VPS41: variants seen among roughly 807,000 people sequenced by gnomAD.
The protein encoded by VPS41 is vacuolar protein sorting-associated protein 41 homolog.
A neutral mutation model predicts 130.9 loss-of-function variants in VPS41; 85 were observed. That is an observed-to-expected ratio of 0.65 (90% CI 0.55 to 0.78). The LOEUF is 0.78. VPS41 is among the 30% of genes least tolerant of loss of function. VPS41 has a pLI of 0.00. For missense variants in VPS41, 874 were observed against 1,018.7 expected (o/e 0.86, Z 1.93); for synonymous variants, 335 against 332.9 (o/e 1.01, Z -0.07).
At chr7:38,873,502 T>A (rs1007712510) in intron 2 of VPS41, among the ~76,000 whole-genome samples, 3 of 152,116 alleles carry the variant, frequency 2.0e-5, no homozygotes, top group Non-Finnish European at 4.4e-5. Flanking sequence ...AACAACCCAG[T>A]GTTAATAAAA....
At chr7:38,882,094 T>C (rs1304005404) in intron 2 of VPS41, among the ~76,000 whole-genome samples, 2 of 151,934 alleles carry the variant, frequency 1.3e-5, no homozygotes, top group African/African-American at 4.8e-5. Context: ...GCCAACTCAA[T>C]CTCTCCTGAG....
chr7:38,784,112 T>C (rs1217518730), intron 10 of VPS41, among the ~76,000 whole-genome samples: 1 of 152,218 alleles, frequency 6.6e-6, no homozygotes, highest in Admixed American at 6.5e-5. Context: ...TGTAACTAAA[T>C]ATAATACTAA....
At chr7:38,728,501 A>G (rs1271671735) in intron 27 of VPS41, 41 bp downstream of exon 27, 1 of 1,611,812 alleles carries the variant, frequency 6.2e-7, no homozygotes, top group African/African-American at 1.3e-5. Context: ...ACTCATCATT[A>G]AAATACATGT....
chr7:38,781,528 G>T (rs1373858360), intron 10 of VPS41, among the ~76,000 whole-genome samples: 1 of 152,072 alleles, frequency 6.6e-6, no homozygotes, highest in Admixed American at 6.5e-5. Flanking sequence ...TCTTGACATT[G>T]TCTATAGTAT....
At chr7:38,805,531 C>G (rs564304582) in intron 7 of VPS41, among the ~76,000 whole-genome samples, 1 of 134,270 alleles carries the variant, frequency 7.4e-6, no homozygotes, top group East Asian at 2.2e-4. Flanking sequence ...GAGTCTGTCT[C>G]AAAAAAACAA....
intron 4 of VPS41, among the ~76,000 whole-genome samples, chr7:38,857,139 T>C (rs1015673611): frequency 6.6e-6 from 1 of 152,104 alleles, no homozygotes; most frequent in Non-Finnish European, 1.5e-5. Context: ...TAATCTCAAA[T>C]CAAAAACAGG....
At chr7:38,842,527 G>A (rs562289331) in intron 4 of VPS41, among the ~76,000 whole-genome samples, 4 of 152,150 alleles carry the variant, frequency 2.6e-5, no homozygotes, top group East Asian at 1.9e-4. Context: ...ATCCTCATTC[G>A]AATAGTAAAA....
intron 1 of VPS41, among the ~76,000 whole-genome samples, chr7:38,903,656 A>G (rs542331223): frequency 6.6e-6 from 1 of 152,308 alleles, no homozygotes; most frequent in South Asian, 2.1e-4. Flanking sequence ...CATAATGAGA[A>G]AGAGAGTTCT....
intron 9 of VPS41, among the ~76,000 whole-genome samples, chr7:38,792,807 C>T (rs935483008): frequency 9.2e-5 from 14 of 152,118 alleles, no homozygotes; most frequent in African/African-American, 2.9e-4. Context: ...TCACCTGCTC[C>T]TCCACCACAC....
At chr7:38,877,612 T>A (rs945644807) in intron 2 of VPS41, among the ~76,000 whole-genome samples, 1 of 152,168 alleles carries the variant, frequency 6.6e-6, no homozygotes, top group Non-Finnish European at 1.5e-5. Flanking sequence ...GCATTTCCAA[T>A]TGCACATTCC....
intron 4 of VPS41, among the ~76,000 whole-genome samples, chr7:38,849,675 G>A (rs576994574): frequency 1.3e-5 from 2 of 152,270 alleles, no homozygotes; most frequent in South Asian, 2.1e-4. Flanking sequence ...TCAACATCCC[G>A]CTTGTGTGTT....
intron 2 of VPS41, among the ~76,000 whole-genome samples, 186 bp from the exon 3 acceptor site, chr7:38,869,439 T>C (rs939937708): frequency 6.6e-6 from 1 of 152,226 alleles, no homozygotes; most frequent in East Asian, 1.9e-4. Flanking sequence ...GTAACTTCAC[T>C]GGTAAAATAA....
intron 3 of VPS41, among the ~76,000 whole-genome samples, chr7:38,863,801 A>G (rs78889027): frequency 0.021 from 3,208 of 152,348 alleles, 46 homozygotes; most frequent in Non-Finnish European, 0.03. Flanking sequence ...ACCAGGTGCC[A>G]TGACGATTAG....
chr7:38,754,577 A>G lies in VPS41; in HGVS notation c.1788+125T>C, dbSNP rs911654555. On this transcript the variant is annotated intron_variant, in intron 21 of 28. Coordinates refer to ENST00000310301, the MANE Select transcript of VPS41 (RefSeq NM_014396.4). ...AATTACAGAACATTGTTTGTGGTGA[A>G]ACCTCCAACTGGAATATTAACCTCC... 9 of 733,850 alleles carry G rather than the reference A, an allele frequency of 1.2e-5. No homozygotes were observed. In the African/African-American group the frequency reaches 1.6e-4, roughly 13 times the overall value. 45.5% of individuals were successfully genotyped at this position (733,850 alleles called of 1,614,324 possible). A position where few individuals can be genotyped will look rare whatever the true frequency, so the allele number is the denominator to read the frequency against.
intron 7 of VPS41, among the ~76,000 whole-genome samples, chr7:38,801,497 G>T (rs1477316992): frequency 2.6e-5 from 4 of 152,026 alleles, no homozygotes; most frequent in African/African-American, 4.8e-5. Context: ...AAATAAAGTA[G>T]GTCATCATAA....
In VPS41 at chr7:38,795,606, C is replaced by T. The variant is rs1489184957; in HGVS notation, c.576G>A (p.Val192=). The part of the protein sequence containing the change: ...HLIAWANNMG[V]KIFDIISKQR... ...GCTTTGAGATGATGTCAAAAATCTT[C>T]ACACCCTGGAAAATAATACAGCAGT... The change falls in exon 9 of 29, where the codon GTG becomes GTA. Residue 192 remains valine (V), a synonymous_variant. Coordinates refer to ENST00000310301, the MANE Select transcript of VPS41 (RefSeq NM_014396.4). 1 of 1,610,360 alleles carries T rather than the reference C, an allele frequency of 6.2e-7. No individual in the cohort carries two copies. The highest frequency in any genetic ancestry group is 8.5e-7 in the Non-Finnish European group (1 of 1,178,210).
chr7:38,764,355 G>A (rs550231896), intron 16 of VPS41, among the ~76,000 whole-genome samples: 1 of 152,308 alleles, frequency 6.6e-6, no homozygotes, highest in Admixed American at 6.5e-5. Context: ...GGTCAGAGGA[G>A]CCCAGAGATG....
At chr7:38,747,048 C>T (rs1006314173) in intron 22 of VPS41, among the ~76,000 whole-genome samples, 2 of 152,148 alleles carry the variant, frequency 1.3e-5, no homozygotes, top group African/African-American at 4.8e-5. Context: ...ATTTTTATCA[C>T]TCACAGTTGA....
chr7:38,842,298 C>T (rs1027229176), intron 4 of VPS41, among the ~76,000 whole-genome samples: 7 of 152,250 alleles, frequency 4.6e-5, no homozygotes, highest in African/African-American at 1.7e-4. Flanking sequence ...CCAAACAAGC[C>T]CCACAAGCAC....
Sources: gnomAD v4.1 joint callset for allele counts (sites outside exome capture counted in the v4.1 genomes callset) on GRCh38, gnomAD v4.1.1 for gene constraint, MANE v1.5 for transcripts, NCBI Gene and HGNC (gene_info 2026-07-23, HGNC 2026-07-21) for gene names.